CSRNP3: variants seen among roughly 807,000 people sequenced by gnomAD.
CSRNP3 encodes the protein cysteine/serine-rich nuclear protein 3.
CSRNP3 carries 12 observed loss-of-function variants against 48.0 expected under a neutral mutation model. The ratio of observed to expected loss-of-function variants is 0.25; its 90% CI spans 0.16 to 0.41. The LOEUF (loss-of-function observed/expected upper bound fraction) is 0.41. Among genes scored for constraint, CSRNP3 ranks in the 10% least tolerant of loss-of-function variants. CSRNP3 has a pLI of 1.00. For missense variants in CSRNP3, 580 were observed against 724.4 expected, an observed-to-expected ratio of 0.80 and a Z score of 2.29; for synonymous variants, 263 against 269.7, an observed-to-expected ratio of 0.98 and a Z score of 0.24.
rs112647312 is a variant in CSRNP3, at chr2:165,660,569, C to T, written c.408+2549C>T. ...ATTTATTGTGGTGAACTCCGAGACACGTGATACATGTGATGAATGTAAGGG... is the reference window on the plus strand; with the variant it reads ...ATTTATTGTGGTGAACTCCGAGACATGTGATACATGTGATGAATGTAAGGG... On this transcript the variant is annotated intron_variant, in intron 5 of 6. Transcript: ENST00000651982. Among the ~76,000 whole-genome samples the T allele has an allele frequency of 3.8e-3, 575 of 152,198 alleles. 2 individuals are homozygous for T. Among genetic ancestry groups the T allele is most frequent in the African/African-American group, 0.012 (515 of 41,502 alleles).
chr2:165,540,818 A>C (rs576875106), intron 3 of CSRNP3, among the ~76,000 whole-genome samples: 62 of 152,136 alleles, frequency 4.1e-4, no homozygotes, highest in African/African-American at 1.4e-3. Context: ...TCTGGAAGGG[A>C]CCATCCATCT....
At chr2:165,600,821 T>A (rs911175096) in intron 4 of CSRNP3, among the ~76,000 whole-genome samples, 7 of 152,216 alleles carry the variant, frequency 4.6e-5, no homozygotes, top group African/African-American at 1.7e-4. Flanking sequence ...ATTTAAAATA[T>A]CTCATGTACC....
At chr2:165,581,600 T>C (rs1685548211) in intron 3 of CSRNP3, among the ~76,000 whole-genome samples, 1 of 136,276 alleles carries the variant, frequency 7.3e-6, no homozygotes, top group Admixed American at 8.1e-5. Flanking sequence ...ACAGTGGCGC[T>C]ATCTCAGCTC....
intron 3 of CSRNP3, among the ~76,000 whole-genome samples, chr2:165,524,867 T>C (rs1448605132): frequency 6.6e-6 from 1 of 152,230 alleles, no homozygotes; most frequent in Admixed American, 6.5e-5. Context: ...GTTTAGTTTT[T>C]GGTGGTTTGA....
intron 3 of CSRNP3, among the ~76,000 whole-genome samples, chr2:165,548,571 A>G (rs551377346): frequency 6.6e-6 from 1 of 152,090 alleles, no homozygotes; most frequent in Non-Finnish European, 1.5e-5. Context: ...TCTCACAAAG[A>G]TCGCAAACAA....
In CSRNP3 at chr2:165,657,973, T is replaced by C; in HGVS notation, c.361T>C (p.Leu121=). ...GCAGGAGAGGCTCCACCGGGAGATGTTGAGAGAACACCTTAGGGAGGAAAA... is the reference window on the plus strand; with the variant it reads ...GCAGGAGAGGCTCCACCGGGAGATGCTGAGAGAACACCTTAGGGAGGAAAA... ...REQERLHREM[L]REHLREEKLN... is the part of the protein sequence containing the mutation. Residue 121 remains leucine, a synonymous_variant, in exon 5 of 7, where the codon TTG becomes CTG. Coordinates refer to ENST00000651982, the MANE Select transcript of CSRNP3 (RefSeq NM_001172173.2). The C allele has an allele frequency of 6.2e-7, 1 of 1,613,910 alleles. No homozygotes were observed. The highest frequency in any genetic ancestry group is 8.5e-7 in the Non-Finnish European group (1 of 1,179,968).
intron 4 of CSRNP3, among the ~76,000 whole-genome samples, chr2:165,637,030 T>C (rs554829142): frequency 1.3e-5 from 2 of 152,322 alleles, no homozygotes; most frequent in Non-Finnish European, 1.5e-5. Flanking sequence ...TTTGTTGTTT[T>C]GTTTTTGTTT....
At chr2:165,567,247 A>G (rs549310781) in intron 3 of CSRNP3, among the ~76,000 whole-genome samples, 8 of 152,252 alleles carry the variant, frequency 5.3e-5, no homozygotes, top group African/African-American at 1.9e-4. Context: ...GTCAACATTT[A>G]TGGTCACTAA....
At chr2:165,666,989 AAGAAAGAGAG>A (rs1687234368) in intron 5 of CSRNP3, among the ~76,000 whole-genome samples, 1 of 61,986 alleles carries the variant, frequency 1.6e-5, no homozygotes, top group Non-Finnish European at 4.4e-5. Flanking sequence ...GAGAGGAAGA[AAGAAAGAGAG>A]AGAGAGGAAG....
intron 2 of CSRNP3, among the ~76,000 whole-genome samples, chr2:165,502,087 C>A (rs181960924): frequency 1.0e-3 from 154 of 152,026 alleles, no homozygotes; most frequent in Non-Finnish European, 1.8e-3. Flanking sequence ...ATGATTTTTA[C>A]GGTATTTTTT....
rs369328045 is a variant in CSRNP3 at position 165,472,284 on chromosome 2, A to G, written c.-283+2544A>G. On this transcript the variant is annotated intron_variant, in intron 1 of 6. Coordinates refer to ENST00000651982, the MANE Select transcript of CSRNP3 (RefSeq NM_001172173.2). ...GTCCAAACCATGTTTCATTAATGCA[A>G]TTATTTCCTTACCTTTGTAATCTAT... Among the ~76,000 whole-genome samples the G allele has an allele frequency of 1.0e-3, 157 of 152,150 alleles. 2 individuals are homozygous for G. In the South Asian group the frequency reaches 0.028, roughly 27 times the overall value.
rs1685862841 is a variant in CSRNP3, at chr2:165,530,046, T to C, written c.-24+12085T>C. Among the ~76,000 whole-genome samples, 4 of 152,208 alleles carry C rather than the reference T, an allele frequency of 2.6e-5. No homozygotes were observed. In the South Asian group the frequency reaches 6.2e-4, roughly 24 times the overall value. On this transcript the variant is annotated intron_variant, in intron 3 of 6. Transcript: ENST00000651982. ...TGCAGTTTTAACAGATGTATCTTTG[T>C]AGTTTGCCAAATGTAGCTAAAATGC...
intron 3 of CSRNP3, among the ~76,000 whole-genome samples, chr2:165,533,058 G>A (rs1299488172): frequency 1.3e-5 from 2 of 151,994 alleles, no homozygotes; most frequent in South Asian, 2.1e-4. Context: ...GGATAATATG[G>A]TATATTTTAA....
At chr2:165,631,336 C>T (rs1686532564) in intron 4 of CSRNP3, among the ~76,000 whole-genome samples, 1 of 152,150 alleles carries the variant, frequency 6.6e-6, no homozygotes, top group Non-Finnish European at 1.5e-5. Flanking sequence ...CATGAGTGTC[C>T]TCAACAGAGA....
intron 2 of CSRNP3, among the ~76,000 whole-genome samples, chr2:165,514,565 C>G (rs765189591): frequency 6.6e-6 from 1 of 152,214 alleles, no homozygotes; most frequent in African/African-American, 2.4e-5. Flanking sequence ...AGTCAGTGTC[C>G]CCAGGTAACA....
chr2:165,583,464 G>T (rs1450695116), intron 3 of CSRNP3, among the ~76,000 whole-genome samples: 4 of 152,158 alleles, frequency 2.6e-5, no homozygotes, highest in Admixed American at 2.6e-4. Flanking sequence ...TGCTGGAAAA[G>T]ACCCCAGTGG....
chr2:165,517,825 G>A (rs1328980693), intron 2 of CSRNP3, 48 bp from the exon 3 acceptor site: 1 of 152,224 alleles, frequency 6.6e-6, no homozygotes, highest in Non-Finnish European at 1.5e-5. Flanking sequence ...TTTGCTCTTT[G>A]AAAACATAAC....
chr2:165,635,021 C>T (rs1686604527), intron 4 of CSRNP3, among the ~76,000 whole-genome samples: 1 of 152,210 alleles, frequency 6.6e-6, no homozygotes, highest in Non-Finnish European at 1.5e-5. Context: ...TGTTCCCAGA[C>T]TTACACTGCA....
At chr2:165,560,485 C>T (rs569448553) in intron 3 of CSRNP3, among the ~76,000 whole-genome samples, 28 of 152,148 alleles carry the variant, frequency 1.8e-4, no homozygotes, top group Non-Finnish European at 3.8e-4. Context: ...CCTCTTCTGT[C>T]GTGATACTCT....
Sources: gnomAD v4.1 joint callset for allele counts (sites outside exome capture counted in the v4.1 genomes callset) on GRCh38, gnomAD v4.1.1 for gene constraint, MANE v1.5 for transcripts, NCBI Gene and HGNC (gene_info 2026-07-23, HGNC 2026-07-21) for gene names.